NBPF11: variants seen among roughly 807,000 people sequenced by gnomAD.
NBPF11 encodes NBPF family member NBPF11.
A neutral mutation model predicts 93.9 loss-of-function variants in NBPF11; 72 were observed. The ratio of observed to expected loss-of-function variants is 0.77; its 90% CI spans 0.63 to 0.93. NBPF11 has a LOEUF of 0.93. Ranked by LOEUF, NBPF11 falls within the 40% of genes least tolerant of loss-of-function variation. NBPF11 has a pLI of 0.00. For missense variants in NBPF11, 705 were observed against 802.2 expected, an observed-to-expected ratio of 0.88 and a Z score of 1.46; for synonymous variants, 224 against 304.9, an observed-to-expected ratio of 0.73 and a Z score of 2.76.
chr1:148,141,128 G>C (rs1283202952), intron 2 of NBPF11, among the ~76,000 whole-genome samples: 3 of 151,868 alleles, frequency 2.0e-5, no homozygotes, highest in African/African-American at 4.9e-5. Flanking sequence ...AACGATGAGT[G>C]GTTGTCAGGG....
intron 2 of NBPF11, among the ~76,000 whole-genome samples, chr1:148,139,079 A>G (rs1173955826): frequency 7.9e-5 from 12 of 151,644 alleles, no homozygotes; most frequent in Non-Finnish European, 2.9e-5. Flanking sequence ...GAAAAGAGAA[A>G]TAACTCCATC....
At chr1:148,142,260 A>G (rs1156984488) in intron 2 of NBPF11, among the ~76,000 whole-genome samples, 1 of 151,928 alleles carries the variant, frequency 6.6e-6, no homozygotes, top group Non-Finnish European at 1.5e-5. Context: ...TAACAGGAAC[A>G]TGCTAACTAG....
chr1:148,146,146 C>A (rs1553276777), intron 1 of NBPF11, among the ~76,000 whole-genome samples: 1 of 151,448 alleles, frequency 6.6e-6, no homozygotes, highest in Non-Finnish European at 1.5e-5. Context: ...CCCGGGGGCG[C>A]GGGCCGGGGT....
intron 5 of NBPF11, among the ~76,000 whole-genome samples, chr1:148,126,156 A>G (rs1310059104): frequency 2.0e-5 from 3 of 151,610 alleles, no homozygotes; most frequent in Non-Finnish European, 4.4e-5. Flanking sequence ...GCCCGCCACG[A>G]CGCCCATCTA....
In NBPF11 at chr1:148,106,934, G is replaced by T; in HGVS notation, c.2251+8C>A. 1 of 696,052 alleles carries T rather than the reference G, an allele frequency of 1.4e-6. No homozygotes were observed. Among genetic ancestry groups the T allele is most frequent in the Non-Finnish European group, 2.6e-6 (1 of 387,364 alleles). The allele number at this position is 696,052 out of a possible 1,614,324, so 43.1% of individuals were successfully genotyped here. On this transcript the variant is annotated splice_region_variant and intron_variant, in intron 20 of 23. Coordinates refer to ENST00000682118, the MANE Select transcript of NBPF11 (RefSeq NM_001385469.3). Reference sequence around the variant, plus strand: ...GGAGGCTTATCACCTTCATAGTAAGGTACTCACTGTCCACGTCAAGAGCCA... The same window carrying T: ...GGAGGCTTATCACCTTCATAGTAAGTTACTCACTGTCCACGTCAAGAGCCA...
chr1:148,144,014 A>C (rs1324087443), intron 1 of NBPF11, among the ~76,000 whole-genome samples: 7 of 151,462 alleles, frequency 4.6e-5, no homozygotes, highest in Admixed American at 4.6e-4. Context: ...CTATGATGGC[A>C]CCACTGCACT....
intron 14 of NBPF11, among the ~76,000 whole-genome samples, chr1:148,115,449 G>C (rs1666273087): frequency 6.6e-6 from 1 of 150,512 alleles, no homozygotes; most frequent in Non-Finnish European, 1.5e-5. Context: ...CCTTAAACAG[G>C]CATAGAAACT....
intron 1 of NBPF11, among the ~76,000 whole-genome samples, chr1:148,146,167 C>T (rs1553276787): frequency 7.9e-5 from 12 of 151,614 alleles, no homozygotes; most frequent in South Asian, 2.1e-4. Context: ...GGGCTTCCCA[C>T]GGCACGACAT....
In NBPF11 at chr1:148,103,050, G is replaced by A; in HGVS notation, c.*846C>T. On this transcript the variant is annotated 3_prime_UTR_variant, in exon 24 of 24. Transcript: ENST00000682118. ...TGGAATTGAGAGGAGCAGGGCTAAG[G>A]CCTCCCAATGCTGTTTGTCCATCTA... 7.2e-6 allele frequency: 1 copy of A among 139,700 alleles called. No individual in the cohort carries two copies. The highest frequency in any genetic ancestry group is 1.5e-5 in the Non-Finnish European group (1 of 66,064). The allele number at this position is 139,700 out of a possible 1,614,324, so 8.7% of individuals were successfully genotyped here.
At chr1:148,117,039 GC>G (rs1271528192) in intron 12 of NBPF11, among the ~76,000 whole-genome samples, 4 of 152,046 alleles carry the variant, frequency 2.6e-5, no homozygotes, top group Non-Finnish European at 5.9e-5. Flanking sequence ...ACCACAAAAT[GC>G]CCCCACATCA....
intron 1 of NBPF11, chr1:148,146,330 G>A (rs1388305222): frequency 2.4e-5 from 34 of 1,396,058 alleles, no homozygotes; most frequent in Middle Eastern, 2.7e-4. Flanking sequence ...CTCCCCTGCC[G>A]GGCCAGGCCG....
intron 9 of NBPF11, 62 bp downstream of exon 9, chr1:148,121,993 C>G (rs1667982525): frequency 1.0e-6 from 1 of 986,118 alleles, no homozygotes; most frequent in East Asian, 2.4e-5. Flanking sequence ...TACAGCCTGT[C>G]CTCAGAATTG....
intron 3 of NBPF11, among the ~76,000 whole-genome samples, chr1:148,136,715 G>C (rs1277056496): frequency 5.3e-5 from 8 of 151,850 alleles, no homozygotes; most frequent in African/African-American, 1.7e-4. Context: ...TTTTGAACTA[G>C]AATCACTGTA....
At chr1:148,123,538 GC>G (rs1360077315) in intron 7 of NBPF11, among the ~76,000 whole-genome samples, 1 of 151,566 alleles carries the variant, frequency 6.6e-6, no homozygotes, top group Non-Finnish European at 1.5e-5. Flanking sequence ...TTCATTCTTA[GC>G]CCAGAGCTCT....
At chr1:148,118,358 G>C (rs1428811485) in intron 11 of NBPF11, among the ~76,000 whole-genome samples, 29 of 151,630 alleles carry the variant, frequency 1.9e-4, no homozygotes, top group African/African-American at 7.1e-4. Flanking sequence ...ACACTCCTTT[G>C]GTTAATTTTG....
intron 8 of NBPF11, 94 bp from the exon 9 acceptor site, chr1:148,122,360 G>C: frequency 6.3e-7 from 1 of 1,589,388 alleles, no homozygotes; most frequent in Non-Finnish European, 8.6e-7. Flanking sequence ...GCGGCATTAA[G>C]AGAGTGGTCC....
At chr1:148,116,840 G>T (rs1257294488) in intron 12 of NBPF11, among the ~76,000 whole-genome samples, 8 of 152,076 alleles carry the variant, frequency 5.3e-5, no homozygotes, top group Admixed American at 1.3e-4. Flanking sequence ...CATCCTGCCA[G>T]ATCTGATTCC....
intron 1 of NBPF11, among the ~76,000 whole-genome samples, chr1:148,151,052 T>C (rs1648187317): frequency 6.6e-6 from 1 of 151,814 alleles, no homozygotes; most frequent in Non-Finnish European, 1.5e-5. Context: ...AAACCATTCC[T>C]CGCTTGGTTA....
rs1179826738 is a variant in NBPF11 at position 148,129,002 on chromosome 1, G to A, written c.-35-1964C>T. Among the ~76,000 whole-genome samples, 13 of 148,660 alleles carry A rather than the reference G, an allele frequency of 8.7e-5. No individual in the cohort carries two copies. The East Asian group carries it at 2.3e-3, about 27-fold the overall frequency. On this transcript the variant is annotated intron_variant, in intron 4 of 23. Coordinates refer to ENST00000682118, the MANE Select transcript of NBPF11 (RefSeq NM_001385469.3). ...CATCACACACCAGGGCCTGTCATGG[G>A]GTGAGGGCTGGGGGAGGGATAGCAT...
Sources: gnomAD v4.1 joint callset for allele counts (sites outside exome capture counted in the v4.1 genomes callset) on GRCh38, gnomAD v4.1.1 for gene constraint, MANE v1.5 for transcripts, NCBI Gene and HGNC (gene_info 2026-07-23, HGNC 2026-07-21) for gene names.